DLGAP1: variants seen among roughly 807,000 people sequenced by gnomAD.
DLGAP1 encodes the protein DLG associated protein 1, also known as disks large-associated protein 1.
In DLGAP1, 11 loss-of-function variants were observed where a neutral mutation model predicts 90.8. The ratio of observed to expected loss-of-function variants is 0.12; its 90% CI spans 0.08 to 0.20. The LOEUF is 0.20. Among genes scored for constraint, DLGAP1 ranks in the 10% least tolerant of loss-of-function variants. The pLI is 1.00. For missense variants in DLGAP1, 1,050 were observed against 1,333.8 expected (o/e 0.79, Z 3.31); for synonymous variants, 558 against 540.7 (o/e 1.03, Z -0.44).
At chr18:3,758,804 C>G (rs938387079) in intron 5 of DLGAP1, among the ~76,000 whole-genome samples, 34 of 152,174 alleles carry the variant, frequency 2.2e-4, no homozygotes, top group African/African-American at 8.0e-4. Context: ...AGATGCCCGA[C>G]TTTCTTCCTT....
intron 1 of DLGAP1, among the ~76,000 whole-genome samples, chr18:4,173,351 A>C (rs575756820): frequency 3.0e-4 from 46 of 152,318 alleles, no homozygotes; most frequent in African/African-American, 1.1e-3. Flanking sequence ...ATACAATTAC[A>C]ATCAGTCAAG....
At chr18:4,245,973 TATATATTC>T (rs1568469326) in intron 1 of DLGAP1, among the ~76,000 whole-genome samples, 1 of 152,144 alleles carries the variant, frequency 6.6e-6, no homozygotes, top group African/African-American at 2.4e-5. Flanking sequence ...ATCCCTTAAA[TATATATTC>T]AAACGTTACC....
At chr18:3,702,619 G>A (rs1174423971) in intron 7 of DLGAP1, among the ~76,000 whole-genome samples, 1 of 152,162 alleles carries the variant, frequency 6.6e-6, no homozygotes, top group Non-Finnish European at 1.5e-5. Flanking sequence ...GATCCTATAT[G>A]TATCATCTTA....
chr18:4,076,914 G>A (rs992945340), intron 2 of DLGAP1, among the ~76,000 whole-genome samples: 1 of 152,040 alleles, frequency 6.6e-6, no homozygotes, highest in Non-Finnish European at 1.5e-5. Flanking sequence ...CGTAAACCAC[G>A]GTGCCTGGCC....
At chr18:3,609,270 T>C (rs2057478794) in intron 7 of DLGAP1, among the ~76,000 whole-genome samples, 1 of 152,184 alleles carries the variant, frequency 6.6e-6, no homozygotes, top group South Asian at 2.1e-4. Flanking sequence ...TAGTCTCAAA[T>C]TCCTGGGCTC....
intron 1 of DLGAP1, among the ~76,000 whole-genome samples, chr18:4,183,437 C>A (rs9963222): frequency 0.36 from 55,035 of 151,810 alleles, 10,432 homozygotes; most frequent in East Asian, 0.7. Context: ...TTATTTCTCT[C>A]TATATATGTC....
chr18:4,291,879 T>C (rs1167684555), intron 1 of DLGAP1, among the ~76,000 whole-genome samples: 3 of 152,156 alleles, frequency 2.0e-5, no homozygotes, highest in Non-Finnish European at 2.9e-5. Flanking sequence ...AATGTTTGAA[T>C]TGCATAAAAA....
intron 1 of DLGAP1, among the ~76,000 whole-genome samples, chr18:4,450,670 TCA>T (rs1430752445): frequency 6.6e-6 from 1 of 152,188 alleles, no homozygotes; most frequent in Non-Finnish European, 1.5e-5. Flanking sequence ...CAGTTCCAAA[TCA>T]CACACTTTGT....
intron 1 of DLGAP1, among the ~76,000 whole-genome samples, chr18:4,395,501 C>G (rs1402059915): frequency 6.6e-6 from 1 of 152,180 alleles, no homozygotes; most frequent in East Asian, 1.9e-4. Context: ...GTTTCCTAAC[C>G]TGGGAGACCT....
intron 1 of DLGAP1, among the ~76,000 whole-genome samples, chr18:4,411,644 G>T (rs187851501): frequency 6.6e-6 from 1 of 152,062 alleles, no homozygotes; most frequent in Non-Finnish European, 1.5e-5. Context: ...TCTTCTCCAC[G>T]TGAGATTGGC....
intron 1 of DLGAP1, among the ~76,000 whole-genome samples, chr18:4,336,720 T>C (rs917438935): frequency 2.6e-5 from 4 of 152,186 alleles, no homozygotes; most frequent in African/African-American, 2.4e-5. Flanking sequence ...ACAGTTGATA[T>C]GGACATGTAT....
At chr18:3,875,452 T>C (rs1018787136) in intron 4 of DLGAP1, among the ~76,000 whole-genome samples, 1 of 152,174 alleles carries the variant, frequency 6.6e-6, no homozygotes, top group African/African-American at 2.4e-5. Flanking sequence ...TGGCACATAA[T>C]AGATATTTGA....
chr18:4,082,454 T>C (rs1333100039), intron 2 of DLGAP1, among the ~76,000 whole-genome samples: 1 of 132,160 alleles, frequency 7.6e-6, no homozygotes, highest in Admixed American at 9.1e-5. Context: ...GAGGTTGCAG[T>C]GAGTTGAGAT....
chr18:3,902,953 AGCTCTCTTAATTCCAGCTGAGAGTGATCT>A (rs1374147946), intron 3 of DLGAP1, among the ~76,000 whole-genome samples: 28 of 152,160 alleles, frequency 1.8e-4, no homozygotes, highest in African/African-American at 6.3e-4. Flanking sequence ...GAGAGTGATC[AGCTCTCTTAATTCCAGCTGAGAGTGATCT>A]GCCTCTCTTC....
chr18:4,246,257 C>T (rs1598716464), intron 1 of DLGAP1, among the ~76,000 whole-genome samples: 1 of 151,790 alleles, frequency 6.6e-6, no homozygotes, highest in African/African-American at 2.4e-5. Context: ...ATATTTTTCA[C>T]TTCCTGATTT....
chr18:3,749,224 A>G (rs1004539457), intron 5 of DLGAP1, among the ~76,000 whole-genome samples: 1 of 140,790 alleles, frequency 7.1e-6, no homozygotes, highest in Non-Finnish European at 1.5e-5. Flanking sequence ...ATCTCAGCTC[A>G]CTGCAACCTC....
intron 1 of DLGAP1, among the ~76,000 whole-genome samples, chr18:4,190,634 A>G (rs1354350223): frequency 2.6e-5 from 4 of 152,134 alleles, no homozygotes; most frequent in Admixed American, 1.3e-4. Context: ...AAGGGATTAT[A>G]TGGGAACTTT....
At position 4,108,348 on chromosome 18, in the gene DLGAP1, T is replaced by A. The variant is rs187796357; in HGVS notation, c.-159+42832A>T. 5.9e-5 allele frequency among the ~76,000 whole-genome samples: 9 copies of A among 152,274 alleles called. No homozygotes were observed. In the East Asian group the frequency reaches 1.7e-3, roughly 29 times the overall value. ...AATCACACTACTGTGTGACTGTCAA[T>A]ACAAATACAGTTTTTCCTGGGGCTT... On this transcript the variant is annotated intron_variant, in intron 2 of 12. Transcript: ENST00000315677.
At chr18:4,324,326 A>G (rs1260909102) in intron 1 of DLGAP1, among the ~76,000 whole-genome samples, 1 of 150,966 alleles carries the variant, frequency 6.6e-6, no homozygotes, top group East Asian at 1.9e-4. Flanking sequence ...GAAAAAATTG[A>G]ATCCTTGAAT....
Sources: gnomAD v4.1 joint callset for allele counts (sites outside exome capture counted in the v4.1 genomes callset) on GRCh38, gnomAD v4.1.1 for gene constraint, MANE v1.5 for transcripts, NCBI Gene and HGNC (gene_info 2026-07-23, HGNC 2026-07-21) for gene names.